SLIT2: variants seen among roughly 807,000 people sequenced by gnomAD.
SLIT2 encodes the protein slit guidance ligand 2, also known as slit homolog 2 protein.
Under a neutral mutation model 185.7 loss-of-function variants are expected in SLIT2, and 41 were observed. That is an observed-to-expected ratio of 0.22 (90% CI 0.17 to 0.29). SLIT2 has a LOEUF of 0.29. Among genes scored for constraint, SLIT2 ranks in the 10% least tolerant of loss-of-function variants. The pLI, the probability that SLIT2 is intolerant of heterozygous loss-of-function variation, is 1.00. For synonymous variants in SLIT2, 693 were observed against 680.2 expected (o/e 1.02, Z -0.29); for missense variants, 1,571 against 1,909.0 (o/e 0.82, Z 3.30).
chr4:20,534,300 C>T (rs594176), intron 18 of SLIT2, among the ~76,000 whole-genome samples: 51,114 of 152,052 alleles, frequency 0.34, 8,815 homozygotes, highest in Middle Eastern at 0.44. Flanking sequence ...GCTGGTGATA[C>T]ATCTTCCACT....
intron 4 of SLIT2, among the ~76,000 whole-genome samples, chr4:20,383,745 C>G (rs181223321): frequency 6.6e-6 from 1 of 152,210 alleles, no homozygotes; most frequent in Admixed American, 6.5e-5. Context: ...CTGTGTTGCC[C>G]AGGCTGGAGT....
At chr4:20,470,484 CTGTGTGTGTGTGTGTGTGTGTGTG>C (rs540814034) in intron 5 of SLIT2, among the ~76,000 whole-genome samples, 1 of 129,216 alleles carries the variant, frequency 7.7e-6, no homozygotes, top group African/African-American at 3.0e-5. Flanking sequence ...GCAGTGGAGT[CTGTGTGTGTGTGTGTGTGTGTGTG>C]TGTGTGTGTG....
chr4:20,265,730 C>G (rs1712969254), intron 3 of SLIT2, among the ~76,000 whole-genome samples: 1 of 151,472 alleles, frequency 6.6e-6, no homozygotes, highest in Admixed American at 6.6e-5. Context: ...GTAGAGCTAG[C>G]TTTTTTAAAA....
intron 4 of SLIT2, among the ~76,000 whole-genome samples, chr4:20,396,142 T>C (rs1470243565): frequency 6.6e-6 from 1 of 152,054 alleles, no homozygotes; most frequent in Admixed American, 6.6e-5. Flanking sequence ...TTGTTCTACC[T>C]TTATATCTCT....
At chr4:20,548,248 A>G (rs1723428976) in intron 22 of SLIT2, among the ~76,000 whole-genome samples, 1 of 152,116 alleles carries the variant, frequency 6.6e-6, no homozygotes, top group South Asian at 2.1e-4. Flanking sequence ...CGTACACTAC[A>G]TTGGCTAAAG....
chr4:20,366,782 G>T (rs965093891), intron 4 of SLIT2, among the ~76,000 whole-genome samples: 4 of 151,934 alleles, frequency 2.6e-5, no homozygotes, highest in Admixed American at 6.6e-5. Context: ...ATATTTTAGG[G>T]TTTTTTTAGT....
At chr4:20,364,327 G>T (rs1722951107) in intron 4 of SLIT2, 1 of 970,578 alleles carries the variant, frequency 1.0e-6, no homozygotes, top group Admixed American at 6.2e-5. Context: ...TTGAAAAAGG[G>T]CCTGCATTTC....
chr4:20,501,443 A>C lies in SLIT2; in HGVS notation c.915-9052A>C, dbSNP rs190165934. Among the ~76,000 whole-genome samples the C allele has an allele frequency of 2.6e-5, 4 of 151,948 alleles. No homozygotes were observed. In the South Asian group the frequency reaches 8.3e-4, roughly 32 times the overall value. On this transcript the variant is annotated intron_variant, in intron 9 of 36. Coordinates refer to ENST00000504154, the MANE Select transcript of SLIT2 (RefSeq NM_004787.4). ...TGGGACTACAAGTGCATGCCACCAC[A>C]CCCGGCTTTTTTGTCTTTTGGGTAG...
intron 4 of SLIT2, among the ~76,000 whole-genome samples, chr4:20,273,024 A>G (rs998557448): frequency 6.6e-6 from 1 of 152,166 alleles, no homozygotes; most frequent in African/African-American, 2.4e-5. Context: ...TCTCTCAGAT[A>G]GGATTTCAGA....
At chr4:20,396,885 T>C (rs1475996545) in intron 4 of SLIT2, among the ~76,000 whole-genome samples, 1 of 146,778 alleles carries the variant, frequency 6.8e-6, no homozygotes, top group Non-Finnish European at 1.5e-5. Context: ...ACCTAATATA[T>C]AAATACATAA....
At chr4:20,474,029 C>T (rs16869639) in intron 5 of SLIT2, among the ~76,000 whole-genome samples, 2,231 of 151,910 alleles carry the variant, frequency 0.015, 53 homozygotes, top group African/African-American at 0.051. Context: ...AAACCTGAAG[C>T]TGAAGAGACT....
chr4:20,404,513 T>G (rs978373078), intron 4 of SLIT2, among the ~76,000 whole-genome samples: 2 of 152,000 alleles, frequency 1.3e-5, no homozygotes, highest in Non-Finnish European at 2.9e-5. Flanking sequence ...CTTGGAAAAG[T>G]GCCTAGCACA....
chr4:20,533,731 T>C lies in SLIT2; in HGVS notation c.1832+16T>C, dbSNP rs772893985. 3 of 1,602,386 alleles carry C rather than the reference T, an allele frequency of 1.9e-6. No homozygotes were observed. Among genetic ancestry groups the C allele is most frequent in the East Asian group, 2.2e-5 (1 of 44,818 alleles). On this transcript the variant is annotated intron_variant, in intron 18 of 36. Transcript: ENST00000504154. ...TCAAAACTTTGTAAGTATTTGTACT[T>C]GCATTGCAGTTCTTCTACCAAAGGA...
rs547993174 is a variant in SLIT2 at position 20,610,284 on chromosome 4, A to G, written c.3847+117A>G. 33 of 844,272 alleles carry G rather than the reference A, an allele frequency of 3.9e-5. No individual in the cohort carries two copies. In the African/African-American group the frequency reaches 5.6e-4, roughly 14 times the overall value. The allele number at this position is 844,272 out of a possible 1,614,324, so 52.3% of individuals were successfully genotyped here. ...ATTTGTCATTGACCAATAGTGATCAATCATTGAAAGATGGATGGCAAAGAC... is the reference window on the plus strand; with the variant it reads ...ATTTGTCATTGACCAATAGTGATCAGTCATTGAAAGATGGATGGCAAAGAC... On this transcript the variant is annotated intron_variant, in intron 34 of 36. Transcript: ENST00000504154.
chr4:20,495,125 A>G (rs1373104238), intron 9 of SLIT2, among the ~76,000 whole-genome samples: 2 of 152,230 alleles, frequency 1.3e-5, no homozygotes, highest in Non-Finnish European at 1.5e-5. Flanking sequence ...TGGTAGGTCA[A>G]TGAGCCACCT....
At chr4:20,358,063 G>A (rs1722472283) in intron 4 of SLIT2, among the ~76,000 whole-genome samples, 1 of 152,030 alleles carries the variant, frequency 6.6e-6, no homozygotes, top group African/African-American at 2.4e-5. Context: ...CCTGTGGTTG[G>A]ATGACGGTAT....
rs377588103 is a variant in SLIT2 at position 20,256,705 on chromosome 4, G to A, written c.213G>A (p.Thr71=). The part of the protein sequence containing the change: ...DLNGNNITRI[T]KTDFAGLRHL... ...ATGGAAATAACATCACAAGAATTAC[G>A]AAGACAGATTTTGCTGGTCTTAGAC... The change falls in exon 2 of 37, where the codon ACG becomes ACA. Residue 71 remains threonine (T), a synonymous_variant. Transcript: ENST00000504154. 1.9e-6 allele frequency: 3 copies of A among 1,574,470 alleles called. No homozygotes were observed. Among genetic ancestry groups the A allele is most frequent in the Non-Finnish European group, 2.6e-6 (3 of 1,151,706 alleles).
chr4:20,472,295 G>GATCTATATATAGATATAGATATCT (rs1715223364), intron 5 of SLIT2, among the ~76,000 whole-genome samples: 1 of 25,882 alleles, frequency 3.9e-5, no homozygotes, highest in Non-Finnish European at 5.7e-5. Context: ...TAGATATATA[G>GATCTATATATAGATATAGATATCT]ATATATAGAT....
chr4:20,565,349 GT>G (rs1460393870), intron 26 of SLIT2, among the ~76,000 whole-genome samples: 1 of 151,904 alleles, frequency 6.6e-6, no homozygotes, highest in Admixed American at 6.6e-5. Flanking sequence ...TCTGAGTTAG[GT>G]TCTTTCCTGT....
Sources: allele counts gnomAD v4.1 joint callset (sites outside exome capture counted in the v4.1 genomes callset), GRCh38; gene constraint gnomAD v4.1.1; transcripts MANE v1.5; gene names NCBI Gene and HGNC (gene_info 2026-07-23, HGNC 2026-07-21).